UMODL1: variants seen among roughly 807,000 people sequenced by gnomAD.
UMODL1 encodes uromodulin-like 1.
A neutral mutation model predicts 136.3 loss-of-function variants in UMODL1; 128 were observed. That is an observed-to-expected ratio of 0.94 (90% CI 0.81 to 1.09). The LOEUF (loss-of-function observed/expected upper bound fraction) is 1.09, where lower values mean the gene tolerates loss of function less well. Ranked by LOEUF, UMODL1 falls within the 50% of genes least tolerant of loss-of-function variation. The pLI is 0.00. For missense variants in UMODL1, 1,766 were observed against 1,725.6 expected, an observed-to-expected ratio of 1.02 and a Z score of -0.41; for synonymous variants, 721 against 720.0, an observed-to-expected ratio of 1.00 and a Z score of -0.02.
At chr21:42,111,433 C>A (rs2066828654) in intron 11 of UMODL1, 73 bp from the exon 12 acceptor site, 1 of 1,613,770 alleles carries the variant, frequency 6.2e-7, no homozygotes, top group Non-Finnish European at 8.5e-7. Flanking sequence ...CCACCTCCTC[C>A]CCGAAGGCTA....
At position 42,071,358 on chromosome 21, in the gene UMODL1, T is replaced by C; in HGVS notation, c.42T>C (p.Ser14=). ...TSGLALLALV[S]AVGPSQASGF... is the part of the protein sequence containing the mutation. ...GGCTGGCACTGCTGGCTCTGGTCAG[T>C]GCTGTGGGCCCAAGCCAGGCCAGCG... Residue 14 remains serine, a synonymous_variant, in exon 1 of 23, where the codon AGT becomes AGC. Coordinates refer to ENST00000408910, the MANE Select transcript of UMODL1 (RefSeq NM_001004416.3). 1 of 1,597,468 alleles carries C rather than the reference T, an allele frequency of 6.3e-7. No homozygotes were observed. The highest frequency in any genetic ancestry group is 8.5e-7 in the Non-Finnish European group (1 of 1,172,318).
Position 42,099,064 on chromosome 21 carries a change from G to C in UMODL1, c.1070G>C (p.Arg357Thr). The C allele has an allele frequency of 6.2e-7, 1 of 1,614,254 alleles. No individual in the cohort carries two copies. The highest frequency in any genetic ancestry group is 1.1e-5 in the South Asian group (1 of 91,084). The change falls in exon 7 of 23, where the codon AGG becomes ACG. Residue 357 changes from arginine (R) to threonine (T), a missense_variant. Physicochemically the swap from Arg to Thr is moderately conservative, Grantham distance 71. Coordinates refer to ENST00000408910, the MANE Select transcript of UMODL1 (RefSeq NM_001004416.3). The surrounding 1 kb of genome is among the most constrained non-coding windows in gnomAD (Gnocchi z 4.1). ...YRGMELLRSA[R>T]TQSQALAVAG... ...GGTATGGAGTTGCTCAGGAGCGCCA[G>C]GACACAGAGCCAGGCACTGGCAGTG...
In UMODL1 at chr21:42,121,127, G is replaced by A. The variant is rs372219715; in HGVS notation, c.2730G>A (p.Pro910=). 2.3e-5 allele frequency: 37 copies of A among 1,613,774 alleles called. No individual in the cohort carries two copies. In the Middle Eastern group the frequency reaches 9.9e-4, roughly 43 times the overall value. ...ECERKEDDCV[P]GTSCRNTLGS... ...AAAGGAAGGAGGACGACTGTGTGCC[G>A]GGGACATCCTGTCGAAACACCCTCG... The change falls in exon 16 of 23, where the codon CCG becomes CCA. Residue 910 remains proline, a synonymous_variant. Transcript: ENST00000408910.
At chr21:42,100,319 C>T (rs559026917) in intron 7 of UMODL1, among the ~76,000 whole-genome samples, 26 of 152,264 alleles carry the variant, frequency 1.7e-4, no homozygotes, top group African/African-American at 5.5e-4. Context: ...TTCTCACTCA[C>T]AGGGGTTAAT....
Position 42,109,788 on chromosome 21 carries a change from G to C in UMODL1, c.1657+89G>C, listed in dbSNP as rs73373605. On this transcript the variant is annotated intron_variant, in intron 10 of 22. Transcript: ENST00000408910. The stretch of plus-strand genomic sequence containing the variant: ...AAAGCCCAATTCTCCATAGGCACAG[G>C]GCTGAGGACCTATGGTAATGTTAGG... The C allele has an allele frequency of 3.8e-3, 5,358 of 1,428,536 alleles. 132 individuals carry two copies. The African/African-American group carries it at 0.066, about 18-fold the overall frequency. 88.5% of individuals were successfully genotyped at this position (1,428,536 alleles called of 1,614,324 possible). A position where few individuals can be genotyped will look rare whatever the true frequency, so the allele number is the denominator to read the frequency against.
intron 21 of UMODL1, among the ~76,000 whole-genome samples, chr21:42,134,291 T>C (rs12626876): frequency 0.41 from 61,762 of 152,194 alleles, 12,751 homozygotes; most frequent in East Asian, 0.53. Context: ...CTTCCCTGAA[T>C]GTCTGCCACC....
chr21:42,125,030 G>C (rs80117739), intron 17 of UMODL1, among the ~76,000 whole-genome samples: 1 of 152,062 alleles, frequency 6.6e-6, no homozygotes, highest in South Asian at 2.1e-4. Flanking sequence ...GAGCCTTGAG[G>C]GGGTGCTGCT....
intron 9 of UMODL1, among the ~76,000 whole-genome samples, chr21:42,108,025 C>T (rs1022614031): frequency 1.3e-5 from 2 of 152,244 alleles, no homozygotes; most frequent in Non-Finnish European, 2.9e-5. Flanking sequence ...GCTCCCACAC[C>T]TGCCTCTTCC....
At chr21:42,111,739 T>C (rs1051971967) in intron 12 of UMODL1, 29 bp downstream of exon 12, 75 of 1,564,388 alleles carry the variant, frequency 4.8e-5, no homozygotes, top group Non-Finnish European at 6.5e-5. Context: ...GCATGGGGAC[T>C]AGGACTAATA....
At chr21:42,133,243 G>A (rs1445294977) in intron 21 of UMODL1, among the ~76,000 whole-genome samples, 2 of 152,334 alleles carry the variant, frequency 1.3e-5, no homozygotes, top group Non-Finnish European at 2.9e-5. Flanking sequence ...AGGTTCCTCA[G>A]GACCTCACCG....
intron 6 of UMODL1, among the ~76,000 whole-genome samples, chr21:42,097,053 G>A (rs967437152): frequency 2.6e-5 from 4 of 152,176 alleles, no homozygotes; most frequent in African/African-American, 9.7e-5. Context: ...CAGGTCCCAA[G>A]CTTTGGGCCA....
At chr21:42,113,230 T>A in intron 12 of UMODL1, 2 of 188,432 alleles carry the variant, frequency 1.1e-5, no homozygotes, top group Non-Finnish European at 1.1e-5. Flanking sequence ...CACCCAGGGG[T>A]CAAGAGTAGA....
rs2067001744 is a variant in UMODL1, at chr21:42,123,116, C to G, written c.3113C>G (p.Ala1038Gly). Residue 1038 changes from alanine to glycine, a missense_variant, in exon 17 of 23, where the codon GCC becomes GGC. Ala to Gly is a moderately conservative substitution (Grantham distance 60). Coordinates refer to ENST00000408910, the MANE Select transcript of UMODL1 (RefSeq NM_001004416.3). This position sits in a 1 kb window ranked among gnomAD's most constrained non-coding sequence, Gnocchi z 4.4. ...AATGGCACACACGTGCTCCTGGAGG[C>G]CGGCTGGAGCGAGTGTGGGACCCTC... is the stretch of plus-strand genomic sequence containing the variant. ...HSNGTHVLLE[A>G]GWSECGTLMQ... The G allele has an allele frequency of 6.2e-7, 1 of 1,613,776 alleles. No individual in the cohort carries two copies. The highest frequency in any genetic ancestry group is 8.5e-7 in the Non-Finnish European group (1 of 1,179,808).
In UMODL1 at chr21:42,127,765, C is replaced by G; in HGVS notation, c.3624C>G (p.Asp1208Glu). The G allele has an allele frequency of 6.2e-7, 1 of 1,614,216 alleles. No individual in the cohort carries two copies. Among genetic ancestry groups the G allele is most frequent in the Non-Finnish European group, 8.5e-7 (1 of 1,180,036 alleles). The change falls in exon 20 of 23, where the codon GAC (aspartate) becomes GAG (glutamate). Residue 1208 changes from aspartate (D) to glutamate (E), a missense_variant. Coordinates refer to ENST00000408910, the MANE Select transcript of UMODL1 (RefSeq NM_001004416.3). ...FKLRIFSFINDSIVYLHCKLR... is the reference protein window; with the variant it reads ...FKLRIFSFINESIVYLHCKLR... ...TGAGGATCTTTTCCTTTATCAACGA[C>G]TCCATCGTCTACCTGCACTGCAAAC... is the stretch of plus-strand genomic sequence containing the variant.
intron 6 of UMODL1, among the ~76,000 whole-genome samples, chr21:42,098,184 G>C (rs1265394419): frequency 6.6e-6 from 1 of 151,424 alleles, no homozygotes; most frequent in Non-Finnish European, 1.5e-5. Context: ...CAGAGAGACT[G>C]TTCTGACTTT....
At chr21:42,096,760 C>G (rs1298341524) in intron 6 of UMODL1, among the ~76,000 whole-genome samples, 2 of 152,188 alleles carry the variant, frequency 1.3e-5, no homozygotes, top group African/African-American at 4.8e-5. Context: ...CCCCACTTTC[C>G]TGTTTGCAGG....
intron 20 of UMODL1, among the ~76,000 whole-genome samples, chr21:42,129,231 A>G (rs1330139826): frequency 1.3e-5 from 2 of 151,996 alleles, no homozygotes; most frequent in South Asian, 2.1e-4. Context: ...TTAGGACTTC[A>G]ATCCCTTTTT....
At chr21:42,129,581 C>T in intron 20 of UMODL1, 132 bp from the exon 21 acceptor site, 2 of 766,628 alleles carry the variant, frequency 2.6e-6, no homozygotes, top group Non-Finnish European at 3.9e-6. Flanking sequence ...TGTCTAAACT[C>T]AGCCCCCTTG....
At chr21:42,082,119 G>A (rs781111839) in intron 2 of UMODL1, among the ~76,000 whole-genome samples, 7 of 152,228 alleles carry the variant, frequency 4.6e-5, no homozygotes, top group Non-Finnish European at 7.3e-5. Context: ...AGGCAGACAG[G>A]GCTGGGTGAG....
Sources: allele counts gnomAD v4.1 joint callset (sites outside exome capture counted in the v4.1 genomes callset), GRCh38; gene constraint gnomAD v4.1.1; non-coding constraint Gnocchi (gnomAD v3.1); transcripts MANE v1.5; gene names NCBI Gene and HGNC (gene_info 2026-07-23, HGNC 2026-07-21).